XKR6: variants seen among roughly 807,000 people sequenced by gnomAD.
XKR6 encodes the protein XK-related protein 6.
Under a neutral mutation model 56.7 loss-of-function variants are expected in XKR6, and 22 were observed. The ratio of observed to expected loss-of-function variants is 0.39; its 90% CI spans 0.28 to 0.55. The LOEUF (loss-of-function observed/expected upper bound fraction) is 0.55. Among genes scored for constraint, XKR6 ranks in the 20% least tolerant of loss-of-function variants. The pLI is 0.66. For synonymous variants in XKR6, 524 were observed against 387.8 expected, an observed-to-expected ratio of 1.35 and a Z score of -4.13; for missense variants, 852 against 889.0, an observed-to-expected ratio of 0.96 and a Z score of 0.53.
chr8:11,125,127 A>G (rs1424285541), intron 1 of XKR6, among the ~76,000 whole-genome samples: 1 of 151,700 alleles, frequency 6.6e-6, no homozygotes, highest in Non-Finnish European at 1.5e-5. Flanking sequence ...AAAAAAAAGT[A>G]TTGATGCCAG....
At chr8:11,015,704 G>C (rs1001419412) in intron 1 of XKR6, among the ~76,000 whole-genome samples, 1 of 152,178 alleles carries the variant, frequency 6.6e-6, no homozygotes, top group Admixed American at 6.5e-5. Flanking sequence ...CAGAAGGAGC[G>C]AGGGAGCAGA....
intron 1 of XKR6, chr8:11,109,207 T>C (rs933764144): frequency 8.5e-5 from 13 of 152,214 alleles, no homozygotes; most frequent in African/African-American, 3.1e-4. Context: ...TCTAGATGTG[T>C]TCTATTTCTA....
chr8:10,942,985 G>T (rs1216088457), intron 1 of XKR6, among the ~76,000 whole-genome samples: 1 of 152,218 alleles, frequency 6.6e-6, no homozygotes, highest in African/African-American at 2.4e-5. Flanking sequence ...ACATGCAGTG[G>T]CTGCAGGAGA....
chr8:11,119,170 G>A, intron 1 of XKR6, among the ~76,000 whole-genome samples: 1 of 152,176 alleles, frequency 6.6e-6, no homozygotes, highest in East Asian at 1.9e-4. Flanking sequence ...TGTGGTCTGA[G>A]AGACAGTTTG....
At chr8:11,088,202 C>T (rs1426334940) in intron 1 of XKR6, among the ~76,000 whole-genome samples, 1 of 152,212 alleles carries the variant, frequency 6.6e-6, no homozygotes, top group Non-Finnish European at 1.5e-5. Context: ...ATCCACACCT[C>T]TGTATCACCT....
intron 2 of XKR6, among the ~76,000 whole-genome samples, chr8:10,912,993 C>CATAT (rs145679122): frequency 6.3e-5 from 9 of 143,520 alleles, no homozygotes; most frequent in East Asian, 2.0e-4. Context: ...TATACACATA[C>CATAT]ATATATATAT....
At chr8:11,146,181 C>A (rs534403434) in intron 1 of XKR6, among the ~76,000 whole-genome samples, 1 of 152,172 alleles carries the variant, frequency 6.6e-6, no homozygotes, top group East Asian at 1.9e-4. Context: ...ATCCACACTT[C>A]ATACCATATA....
At chr8:11,088,570 T>G (rs1797967799) in intron 1 of XKR6, among the ~76,000 whole-genome samples, 1 of 152,172 alleles carries the variant, frequency 6.6e-6, no homozygotes, top group Admixed American at 6.5e-5. Context: ...ACCTAACACC[T>G]TTCCTTCCTT....
rs1275964949 is a variant in XKR6 at position 11,200,626 on chromosome 8, C to T, written c.714G>A (p.Val238=). The T allele has an allele frequency of 6.4e-7, 1 of 1,551,816 alleles. No individual in the cohort carries two copies. The highest frequency in any genetic ancestry group is 8.6e-7 in the Non-Finnish European group (1 of 1,159,520). ...PGAQRLCRLS[V]WIWQSVIHLL... is the part of the protein sequence containing the mutation. ...GGTGGATGACCGACTGCCAGATCCA[C>T]ACGGAGAGGCGACACAGGCGCTGCG... is the stretch of plus-strand genomic sequence containing the variant. Residue 238 remains valine (V), a synonymous_variant, in exon 1 of 3, where the codon GTG becomes GTA. Coordinates refer to ENST00000416569, the MANE Select transcript of XKR6 (RefSeq NM_173683.4). This position sits in a 1 kb window ranked among gnomAD's most constrained non-coding sequence, Gnocchi z 6.4.
chr8:11,200,479 C>CG lies in XKR6; in HGVS notation c.764+96dup. On this transcript the variant is annotated intron_variant, in intron 1 of 2. Coordinates refer to ENST00000416569, the MANE Select transcript of XKR6 (RefSeq NM_173683.4). The surrounding 1 kb of genome is among the most constrained non-coding windows in gnomAD (Gnocchi z 6.4). ...CGGCCGGTCCCTCCTTCGAGCCCCCCGCGCTGGGCCCTTTCGAGGGGCCGC... is the reference window on the plus strand; with the variant it reads ...CGGCCGGTCCCTCCTTCGAGCCCCCCGGCGCTGGGCCCTTTCGAGGGGCCGC... The CG allele has an allele frequency of 7.6e-7, 1 of 1,320,142 alleles. No individual in the cohort carries two copies. 81.8% of individuals were successfully genotyped at this position (1,320,142 alleles called of 1,614,324 possible). A position where few individuals can be genotyped will look rare whatever the true frequency, so the allele number is the denominator to read the frequency against.
intron 1 of XKR6, chr8:11,108,254 G>A (rs765611231): frequency 2.2e-6 from 1 of 455,926 alleles, no homozygotes; most frequent in Non-Finnish European, 4.4e-6. Context: ...TAAGGAATAA[G>A]GAAGGAATTA....
chr8:11,052,671 C>G (rs1422841179), intron 1 of XKR6, among the ~76,000 whole-genome samples: 1 of 152,066 alleles, frequency 6.6e-6, no homozygotes. Context: ...TTGCCCGCAC[C>G]TTGAGTTAAA....
At chr8:11,172,499 A>C (rs1049823919) in intron 1 of XKR6, among the ~76,000 whole-genome samples, 10 of 152,200 alleles carry the variant, frequency 6.6e-5, no homozygotes, top group Admixed American at 2.6e-4. Flanking sequence ...TCCAAATTTT[A>C]GATCTGCACA....
At chr8:10,899,153 A>G (rs960230275) in intron 2 of XKR6, among the ~76,000 whole-genome samples, 3 of 152,230 alleles carry the variant, frequency 2.0e-5, no homozygotes, top group African/African-American at 7.2e-5. Flanking sequence ...CAGTAGCTCA[A>G]GGGTGATACT....
intron 1 of XKR6, among the ~76,000 whole-genome samples, chr8:10,978,218 A>G (rs1802625307): frequency 1.3e-5 from 2 of 152,234 alleles, no homozygotes; most frequent in African/African-American, 2.4e-5. Flanking sequence ...CAGAGAATAG[A>G]TTTATTGCCT....
At chr8:11,160,941 A>AG (rs1024526913) in intron 1 of XKR6, among the ~76,000 whole-genome samples, 1 of 151,542 alleles carries the variant, frequency 6.6e-6, no homozygotes, top group African/African-American at 2.4e-5. Flanking sequence ...AGAAAAAAAA[A>AG]GGGTTCACAC....
chr8:10,926,962 C>T (rs1318824051), intron 1 of XKR6, among the ~76,000 whole-genome samples: 1 of 152,174 alleles, frequency 6.6e-6, no homozygotes, highest in Admixed American at 6.5e-5. Flanking sequence ...GACAGTGAGA[C>T]AGACACACAC....
chr8:10,980,930 G>A (rs1005736730), intron 1 of XKR6, among the ~76,000 whole-genome samples: 3 of 152,122 alleles, frequency 2.0e-5, no homozygotes, highest in African/African-American at 7.2e-5. Flanking sequence ...GGAGGGATTA[G>A]AGACAGGGAC....
Position 11,021,092 on chromosome 8 carries a change from T to C in XKR6, c.765-96262A>G, listed in dbSNP as rs559728742. On this transcript the variant is annotated intron_variant, in intron 1 of 2. Transcript: ENST00000416569. Reference sequence around the variant, plus strand: ...GGCTTTAAGATACGTCAAGCCTTAGTCTCCTCAGATTTTAAACCATCTCCA... The same window carrying C: ...GGCTTTAAGATACGTCAAGCCTTAGCCTCCTCAGATTTTAAACCATCTCCA... Among the ~76,000 whole-genome samples, 3 of 152,188 alleles carry C rather than the reference T, an allele frequency of 2.0e-5. No homozygotes were observed. In the East Asian group the frequency reaches 5.8e-4, roughly 29 times the overall value.
Sources: allele counts gnomAD v4.1 joint callset (sites outside exome capture counted in the v4.1 genomes callset), GRCh38; gene constraint gnomAD v4.1.1; non-coding constraint Gnocchi (gnomAD v3.1); transcripts MANE v1.5; gene names NCBI Gene and HGNC (gene_info 2026-07-23, HGNC 2026-07-21).